The following TRPA1 variants were observed in gnomAD, a reference collection of about 807,000 sequenced individuals.
TRPA1 encodes the protein transient receptor potential cation channel subfamily A member 1.
Under a neutral mutation model 131.3 loss-of-function variants are expected in TRPA1, and 129 were observed. That is an observed-to-expected ratio of 0.98 (90% CI 0.85 to 1.14). The LOEUF (loss-of-function observed/expected upper bound fraction) is 1.14, where lower values mean the gene tolerates loss of function less well. TRPA1 is among the 50% of genes most tolerant of loss of function. TRPA1 has a pLI of 0.00. For synonymous variants in TRPA1, 441 were observed against 451.7 expected (o/e 0.98, Z 0.30); for missense variants, 1,304 against 1,354.2 (o/e 0.96, Z 0.58).
Position 72,069,010 on chromosome 8 carries a change from C to T in TRPA1, c.444+13G>A. 1 of 1,614,150 alleles carries T rather than the reference C, an allele frequency of 6.2e-7. No individual in the cohort carries two copies. The highest frequency in any genetic ancestry group is 8.5e-7 in the Non-Finnish European group (1 of 1,180,010). The stretch of plus-strand genomic sequence containing the variant: ...CGCCGGTCAGGCCCTTTGGAGCCGG[C>T]CAGTAGCCTTACCTTCATCACCTCA... On this transcript the variant is annotated intron_variant, in intron 3 of 26. Transcript: ENST00000262209.
At chr8:72,054,724 G>T (rs3180982) in intron 12 of TRPA1, 17,951 of 152,186 alleles carry the variant, frequency 0.12, 1,327 homozygotes, top group Middle Eastern at 0.29. Context: ...GCACCAATTT[G>T]CTGGCATCAA....
rs1444159313 is a variant in TRPA1, at chr8:72,044,488, TACAGAAAACC to T, written c.2061+2015_2061+2024del. Among the ~76,000 whole-genome samples, 3 of 152,066 alleles carry T rather than the reference TACAGAAAACC, an allele frequency of 2.0e-5. No homozygotes were observed. The East Asian group carries it at 5.8e-4, about 29-fold the overall frequency. ...ACTCTGCTTTTAAACTAATAACAAA[TACAGAAAACC>T]TACCCCTTGAGGCATGCAAGTACAT... On this transcript the variant is annotated intron_variant, in intron 17 of 26. Coordinates refer to ENST00000262209, the MANE Select transcript of TRPA1 (RefSeq NM_007332.3).
intron 24 of TRPA1, among the ~76,000 whole-genome samples, chr8:72,026,758 C>G (rs1018282740): frequency 6.6e-6 from 1 of 151,986 alleles, no homozygotes; most frequent in African/African-American, 2.4e-5. Flanking sequence ...CTTTTTTACA[C>G]CCCTTTGTAT....
rs781340587 is a variant in TRPA1 at position 72,075,454 on chromosome 8, C to A, written c.-45G>T. 2.0e-6 allele frequency: 3 copies of A among 1,502,270 alleles called. No individual in the cohort carries two copies. Among genetic ancestry groups the A allele is most frequent in the African/African-American group, 1.4e-5 (1 of 73,050 alleles). 93.1% of individuals were successfully genotyped at this position (1,502,270 alleles called of 1,614,324 possible). A position where few individuals can be genotyped will look rare whatever the true frequency, so the allele number is the denominator to read the frequency against. On this transcript the variant is annotated 5_prime_UTR_variant, in exon 1 of 27. Transcript: ENST00000262209. Reference sequence around the variant, plus strand: ...ACCTGGTGCAGCTGCTCACCACGCGCGCGGGCACCTGGGGCGAGAGAGCGC... The same window carrying A: ...ACCTGGTGCAGCTGCTCACCACGCGAGCGGGCACCTGGGGCGAGAGAGCGC...
chr8:72,055,526 A>T lies in TRPA1; in HGVS notation c.1439T>A (p.Leu480His), dbSNP rs1407950363. Residue 480 changes from leucine (L) to histidine (H), a missense_variant, in exon 12 of 27, where the codon CTT (leucine) becomes CAT (histidine). Transcript: ENST00000262209. ...SDTRLLNEGD[L>H]HGMTPLHLAA... is the part of the protein sequence containing the mutation. Reference sequence around the variant, plus strand: ...CAGATGGAGAGGAGTCATTCCATGAAGGTCACCTTCATTCAGAAGCCTCGT... The same window carrying T: ...CAGATGGAGAGGAGTCATTCCATGATGGTCACCTTCATTCAGAAGCCTCGT... 1.2e-6 allele frequency: 2 copies of T among 1,613,620 alleles called. No individual in the cohort carries two copies. Among genetic ancestry groups the T allele is most frequent in the East Asian group, 2.2e-5 (1 of 44,866 alleles).
chr8:72,042,965 TA>T (rs1296131565), intron 17 of TRPA1, among the ~76,000 whole-genome samples: 1 of 151,862 alleles, frequency 6.6e-6, no homozygotes, highest in African/African-American at 2.4e-5. Flanking sequence ...CAACATGAAA[TA>T]ATTTTAGACA....
chr8:72,056,303 AAATG>A (rs1163250567), intron 10 of TRPA1: 2 of 178,088 alleles, frequency 1.1e-5, no homozygotes, highest in Admixed American at 1.1e-4. Flanking sequence ...AGTAAATAAA[AAATG>A]AATGATAAAT....
At chr8:72,046,822 G>T (rs186097224) in intron 16 of TRPA1, among the ~76,000 whole-genome samples, 3 of 151,966 alleles carry the variant, frequency 2.0e-5, no homozygotes, top group Admixed American at 1.3e-4. Flanking sequence ...TTATTCAATT[G>T]CTTTGTATCT....
chr8:72,054,128 C>T (rs1805600286), intron 12 of TRPA1: 3 of 471,094 alleles, frequency 6.4e-6, no homozygotes, highest in Non-Finnish European at 3.9e-6. Context: ...CATTACCAAA[C>T]ACTTTGGGGT....
At chr8:72,045,617 TTTTG>T (rs919100283) in intron 17 of TRPA1, among the ~76,000 whole-genome samples, 7 of 150,018 alleles carry the variant, frequency 4.7e-5, no homozygotes, top group African/African-American at 1.7e-4. Context: ...CTCAAATATG[TTTTG>T]TTTTACATGC....
chr8:72,032,640 G>A (rs187887997), intron 23 of TRPA1, among the ~76,000 whole-genome samples: 28 of 152,322 alleles, frequency 1.8e-4, no homozygotes, highest in African/African-American at 6.5e-4. Context: ...CTACTGCTAA[G>A]CCCAATTCTC....
At chr8:72,063,700 CAT>C in intron 4 of TRPA1, 129 bp from the exon 5 acceptor site, 1 of 661,116 alleles carries the variant, frequency 1.5e-6, no homozygotes. Context: ...TAGAGAGCTT[CAT>C]ATGTTATGAA....
the TRPA1 span, among the ~76,000 whole-genome samples, chr8:72,085,649 T>C: frequency 1.3e-5 from 2 of 152,244 alleles, no homozygotes; most frequent in Admixed American, 1.3e-4. Context: ...GTACTTTTTT[T>C]CCCTTTAGAT....
At chr8:72,038,435 G>C (rs531933506) in intron 19 of TRPA1, among the ~76,000 whole-genome samples, 1 of 152,002 alleles carries the variant, frequency 6.6e-6, no homozygotes, top group African/African-American at 2.4e-5. Context: ...TAATTCAGTG[G>C]CATTAAGTAT....
At chr8:72,067,168 G>C (rs1037112291) in intron 3 of TRPA1, among the ~76,000 whole-genome samples, 6 of 152,172 alleles carry the variant, frequency 3.9e-5, no homozygotes, top group East Asian at 1.9e-4. Context: ...GGTCAGTGGA[G>C]CAGTCAATGG....
In TRPA1 at chr8:72,026,067, GT is replaced by G. The variant is rs1194667585; in HGVS notation, c.2943del (p.Glu981AspfsTer6). Reference sequence around the variant, plus strand: ...AGCTTCTTCTCTAAGCTGGTATGAAGTTCCACCTAAAGTGCATTTTGGATTT... The same window carrying G: ...AGCTTCTTCTCTAAGCTGGTATGAAGTCCACCTAAAGTGCATTTTGGATTT... ...ASLKRIAMQV[E>X]LHTSLEKKLP... On this transcript the variant is annotated frameshift_variant, in exon 25 of 27. Transcript: ENST00000262209. LOFTEE classifies it high-confidence loss of function. The G allele has an allele frequency of 6.2e-7, 1 of 1,613,456 alleles. No individual in the cohort carries two copies. Among genetic ancestry groups the G allele is most frequent in the Non-Finnish European group, 8.5e-7 (1 of 1,179,570 alleles).
At chr8:72,041,577 A>G (rs541853298) in intron 17 of TRPA1, among the ~76,000 whole-genome samples, 1 of 152,048 alleles carries the variant, frequency 6.6e-6, no homozygotes, top group Non-Finnish European at 1.5e-5. Flanking sequence ...AAATCGAAAA[A>G]CCTGTGGAAG....
At position 72,069,079 on chromosome 8, in the gene TRPA1, T is replaced by C. The variant is rs1376269662; in HGVS notation, c.388A>G (p.Asn130Asp). The C allele has an allele frequency of 6.2e-7, 1 of 1,614,116 alleles. No individual in the cohort carries two copies. The highest frequency in any genetic ancestry group is 1.1e-5 in the South Asian group (1 of 91,092). The change falls in exon 3 of 27, where the codon AAC becomes GAC. Residue 130 changes from asparagine (N) to aspartate (D), a missense_variant. Coordinates refer to ENST00000262209, the MANE Select transcript of TRPA1 (RefSeq NM_007332.3). ...RGANPNLRNF[N>D]MMAPLHIAVQ... ...GCTATGTGGAGAGGAGCCATCATGT[T>C]GAAGTTTCGGAGATTTGGGTTTGCT... is the stretch of plus-strand genomic sequence containing the variant.
At chr8:72,059,931 A>G (rs1805768124) in intron 7 of TRPA1, among the ~76,000 whole-genome samples, 1 of 152,174 alleles carries the variant, frequency 6.6e-6, no homozygotes, top group Non-Finnish European at 1.5e-5. Context: ...TTATGGAGAG[A>G]ACTGAAAACA....
Sources: gnomAD v4.1 joint callset for allele counts (sites outside exome capture counted in the v4.1 genomes callset) on GRCh38, gnomAD v4.1.1 for gene constraint, MANE v1.5 for transcripts, NCBI Gene and HGNC (gene_info 2026-07-23, HGNC 2026-07-21) for gene names.